Variants in CHIT1 observed in about 807,000 individuals in gnomAD.
CHIT1 encodes the protein chitotriosidase-1.
CHIT1 carries 47 observed loss-of-function variants against 52.0 expected under a neutral mutation model. The observed-to-expected ratio is 0.90, with a 90% CI of 0.71 to 1.15. CHIT1 has a LOEUF of 1.15. Ranked by LOEUF, CHIT1 falls within the 50% of genes most tolerant of loss-of-function variation. The pLI is 0.00. For synonymous variants in CHIT1, 242 were observed against 228.2 expected (o/e 1.06, Z -0.54); for missense variants, 569 against 583.0 (o/e 0.98, Z 0.25).
intron 10 of CHIT1, 88 bp downstream of exon 10, chr1:203,217,651 A>C: frequency 6.3e-7 from 1 of 1,599,122 alleles, no homozygotes. Context: ...CCTCAGAAGG[A>C]CCCGGGACCT....
chr1:203,229,627 A>G lies in CHIT1; in HGVS notation c.10T>C (p.Ser4Pro). The G allele has an allele frequency of 6.2e-7, 1 of 1,613,922 alleles. No homozygotes were observed. Among genetic ancestry groups the G allele is most frequent in the Non-Finnish European group, 8.5e-7 (1 of 1,179,966 alleles). ...GACGGCTCACCTGCCCAGGCCACAG[A>G]CCGCACCATGATGCAGCTCAGCGGC... MVR[S>P]VAWAGFMVLL... The change falls in exon 1 of 11, where the codon TCT (serine) becomes CCT (proline). Residue 4 changes from serine (S) to proline (P), a missense_variant. By Grantham distance (74) the Ser-to-Pro change is moderately conservative. Coordinates refer to ENST00000367229, the MANE Select transcript of CHIT1 (RefSeq NM_003465.3).
At position 203,219,712 on chromosome 1, in the gene CHIT1, G is replaced by A. The variant is rs1333583009; in HGVS notation, c.867C>T (p.Gly289=). The A allele has an allele frequency of 6.2e-7, 1 of 1,614,112 alleles. No homozygotes were observed. The highest frequency in any genetic ancestry group is 8.5e-7 in the Non-Finnish European group (1 of 1,180,004). The change falls in exon 8 of 11, where the codon GGC becomes GGT. Residue 289 remains glycine, a synonymous_variant. Transcript: ENST00000367229. ...CTTCCTTGGTGAAGGGGCCTGGAGTGCCAGACCCTGTGGCTGGGGCCCCCA... is the reference window on the plus strand; with the variant it reads ...CTTCCTTGGTGAAGGGGCCTGGAGTACCAGACCCTGTGGCTGGGGCCCCCA... ...TRVGAPATGS[G]TPGPFTKEGG...
chr1:203,217,106 G>T lies in CHIT1; in HGVS notation c.1184C>A (p.Pro395Gln). 6.2e-7 allele frequency: 1 copy of T among 1,609,412 alleles called. No individual in the cohort carries two copies. The highest frequency in any genetic ancestry group is 8.5e-7 in the Non-Finnish European group (1 of 1,180,012). ...LSLPYLPSGT[P>Q]ELEVPKPGQP... Reference sequence around the variant, plus strand: ...ACCTGGTTTTGGAACTTCAAGCTCTGGGGTGCCTGAAGGCAAGTATGGAAG... The same window carrying T: ...ACCTGGTTTTGGAACTTCAAGCTCTTGGGTGCCTGAAGGCAAGTATGGAAG... Residue 395 changes from proline to glutamine, a missense_variant, in exon 11 of 11, where the codon CCA becomes CAA. Physicochemically the swap from Pro to Gln is moderately conservative, Grantham distance 76. Transcript: ENST00000367229.
In CHIT1 at chr1:203,225,526, C is replaced by A. The variant is rs1233883236; in HGVS notation, c.257+143G>T. 1.1e-5 allele frequency: 9 copies of A among 815,130 alleles called. No individual in the cohort carries two copies. The East Asian group carries it at 2.1e-4, about 19-fold the overall frequency. The allele number at this position is 815,130 out of a possible 1,614,324, so 50.5% of individuals were successfully genotyped here. Reference sequence around the variant, plus strand: ...ACCTCTTTCATTAAGCACAGGAGAGCCCAGAGAGGTGATACAACTTGCCCA... The same window carrying A: ...ACCTCTTTCATTAAGCACAGGAGAGACCAGAGAGGTGATACAACTTGCCCA... On this transcript the variant is annotated intron_variant, in intron 3 of 10. Coordinates refer to ENST00000367229, the MANE Select transcript of CHIT1 (RefSeq NM_003465.3).
intron 9 of CHIT1, 78 bp downstream of exon 9, chr1:203,219,138 C>T (rs1378355426): frequency 1.4e-5 from 11 of 814,676 alleles, no homozygotes; most frequent in Non-Finnish European, 2.4e-5. Context: ...CCTTGAGGTC[C>T]TGAACTGTCC....
At position 203,222,282 on chromosome 1, in the gene CHIT1, A is replaced by G; in HGVS notation, c.649T>C (p.Ser217Pro). The change falls in exon 7 of 11, where the codon TCT becomes CCT. Residue 217 changes from serine to proline, a missense_variant. By Grantham distance (74) the Ser-to-Pro change is moderately conservative. Transcript: ENST00000367229. Reference sequence around the variant, plus strand: ...TTATGTCCCGTGACCTTCTCCCAAGAGCCATGGAAGTCGTAGGCCATAAGG... The same window carrying G: ...TTATGTCCCGTGACCTTCTCCCAAGGGCCATGGAAGTCGTAGGCCATAAGG... The part of the protein sequence containing the change: ...VNLMAYDFHG[S>P]WEKVTGHNSP... 2 of 1,614,076 alleles carry G rather than the reference A, an allele frequency of 1.2e-6. No individual in the cohort carries two copies. Among genetic ancestry groups the G allele is most frequent in the Admixed American group, 1.7e-5 (1 of 60,008 alleles).
Position 203,222,220 on chromosome 1 carries a change from T to C in CHIT1, c.711A>G (p.Ala237=). The change falls in exon 7 of 11, where the codon GCA becomes GCG. Residue 237 remains alanine, a synonymous_variant. Transcript: ENST00000367229. Reference sequence around the variant, plus strand: ...CACGTACCACGTTGAGGCTGGCTGCTGCACCACTCTCTTCTTGCCTCTTGT... The same window carrying C: ...CACGTACCACGTTGAGGCTGGCTGCCGCACCACTCTCTTCTTGCCTCTTGT... ...PLYKRQEESG[A]AASLNVDAAV... is the part of the protein sequence containing the mutation. 2 of 1,614,150 alleles carry C rather than the reference T, an allele frequency of 1.2e-6. No homozygotes were observed. Among genetic ancestry groups the C allele is most frequent in the Non-Finnish European group, 1.7e-6 (2 of 1,180,034 alleles).
chr1:203,223,996 A>C (rs985265377), intron 4 of CHIT1, among the ~76,000 whole-genome samples: 1 of 152,194 alleles, frequency 6.6e-6, no homozygotes, highest in African/African-American at 2.4e-5. Flanking sequence ...TGACACCCTC[A>C]GAATGGAGGT....
chr1:203,217,898 G>T (rs757044414), intron 9 of CHIT1, 33 bp from the exon 10 acceptor site: 1 of 1,593,628 alleles, frequency 6.3e-7, no homozygotes, highest in South Asian at 1.1e-5. Flanking sequence ...GGAGGAGCCC[G>T]GGGAAGCCTG....
At chr1:203,228,023 G>A (rs924460650) in intron 2 of CHIT1, among the ~76,000 whole-genome samples, 2 of 152,204 alleles carry the variant, frequency 1.3e-5, no homozygotes, top group African/African-American at 4.8e-5. Context: ...GACACAACAA[G>A]GAGCTCCCTC....
At position 203,223,553 on chromosome 1, in the gene CHIT1, T is replaced by C. The variant is rs183706407; in HGVS notation, c.422A>G (p.Tyr141Cys). 3.1e-6 allele frequency: 5 copies of C among 1,614,046 alleles called. No homozygotes were observed. The highest frequency in any genetic ancestry group is 1.3e-5 in the African/African-American group (1 of 74,926). Residue 141 changes from tyrosine to cysteine, a missense_variant, in exon 5 of 11, where the codon TAC (tyrosine) becomes TGC (cysteine). Physicochemically the swap from Tyr to Cys is radical, Grantham distance 194 (BLOSUM62 -2). Coordinates refer to ENST00000367229, the MANE Select transcript of CHIT1 (RefSeq NM_003465.3). ...SFDGLDLDWE[Y>C]PGSQGSPAVD... ...GGCAGGGCTCCCCTGGCTTCCTGGG[T>C]ACTCCCAGTCAAGGTCAAGGCCGTC...
In CHIT1 at chr1:203,216,925, C is replaced by CCTG. The variant is rs1656550469; in HGVS notation, c.1364_1365insCAG (p.Val455_Phe456insArg). 2 of 1,614,100 alleles carry CCTG rather than the reference C, an allele frequency of 1.2e-6. No homozygotes were observed. Among genetic ancestry groups the CCTG allele is most frequent in the African/African-American group, 2.7e-5 (2 of 74,940 alleles). ...TGCAGCATTTGCAGGAGTTGCTGAACACCAGGCCTGTCGGGCAGCTTTGCT... is the reference window on the plus strand; with the variant it reads ...TGCAGCATTTGCAGGAGTTGCTGAACCTGACCAGGCCTGTCGGGCAGCTTTGCT... On this transcript the variant is annotated inframe_insertion, in exon 11 of 11. Coordinates refer to ENST00000367229, the MANE Select transcript of CHIT1 (RefSeq NM_003465.3).
intron 7 of CHIT1, among the ~76,000 whole-genome samples, chr1:203,221,603 A>G (rs565094828): frequency 5.3e-4 from 80 of 152,350 alleles, no homozygotes; most frequent in African/African-American, 1.9e-3. Flanking sequence ...CCTTGGTGAC[A>G]GAACAAGATT....
At chr1:203,218,070 C>T (rs1656602171) in intron 9 of CHIT1, 6 of 1,517,724 alleles carry the variant, frequency 4.0e-6, no homozygotes, top group Non-Finnish European at 5.3e-6. Flanking sequence ...TTGCAGTCTC[C>T]TTGTCTTAAC....
intron 3 of CHIT1, 89 bp from the exon 4 acceptor site, chr1:203,225,193 G>A: frequency 8.1e-7 from 1 of 1,239,368 alleles, no homozygotes; most frequent in African/African-American, 1.5e-5. Context: ...GAACAACAGG[G>A]GTGGGGACGT....
chr1:203,221,671 C>A (rs954627770), intron 7 of CHIT1, among the ~76,000 whole-genome samples: 90 of 152,136 alleles, frequency 5.9e-4, no homozygotes, highest in African/African-American at 2.1e-3. Flanking sequence ...CTTGATTGCT[C>A]AATGAGGAAA....
At position 203,218,095 on chromosome 1, in the gene CHIT1, G is replaced by T. The variant is rs544680955; in HGVS notation, c.1030-230C>A. On this transcript the variant is annotated intron_variant, in intron 9 of 10. Transcript: ENST00000367229. Reference sequence around the variant, plus strand: ...CTTGTCTTAACGTAAGCATGACCTGGGGTGGGGTGGGTGCAGTCGGGAGGA... The same window carrying T: ...CTTGTCTTAACGTAAGCATGACCTGTGGTGGGGTGGGTGCAGTCGGGAGGA... 1.9e-4 allele frequency: 279 copies of T among 1,492,602 alleles called. 1 individual carries two copies. In the African/African-American group the frequency reaches 3.5e-3, roughly 19 times the overall value. The allele number at this position is 1,492,602 out of a possible 1,614,324, so 92.5% of individuals were successfully genotyped here.
In CHIT1 at chr1:203,216,702, T is replaced by C; in HGVS notation, c.*187A>G. 1 of 756,144 alleles carries C rather than the reference T, an allele frequency of 1.3e-6. No homozygotes were observed. The highest frequency in any genetic ancestry group is 2.3e-6 in the Non-Finnish European group (1 of 438,754). 46.8% of individuals were successfully genotyped at this position (756,144 alleles called of 1,614,324 possible). ...ACAAACCAAAGATTTATTTTGCAAGTGAAAGGGGCAGCCCAGGAGACCCAG... is the reference window on the plus strand; with the variant it reads ...ACAAACCAAAGATTTATTTTGCAAGCGAAAGGGGCAGCCCAGGAGACCCAG... On this transcript the variant is annotated 3_prime_UTR_variant, in exon 11 of 11. Coordinates refer to ENST00000367229, the MANE Select transcript of CHIT1 (RefSeq NM_003465.3).
chr1:203,219,998 C>T lies in CHIT1; in HGVS notation c.730-149G>A. 4.1e-6 allele frequency: 4 copies of T among 971,744 alleles called. No homozygotes were observed. The South Asian group carries it at 4.2e-5, about 10-fold the overall frequency. 60.2% of individuals were successfully genotyped at this position (971,744 alleles called of 1,614,324 possible). ...TGTTAGGATTCCAGCCCTACCCCATCTTCTTTAGAGCCTGCCTTAGACCCG... is the reference window on the plus strand; with the variant it reads ...TGTTAGGATTCCAGCCCTACCCCATTTTCTTTAGAGCCTGCCTTAGACCCG... On this transcript the variant is annotated intron_variant, in intron 7 of 10. Coordinates refer to ENST00000367229, the MANE Select transcript of CHIT1 (RefSeq NM_003465.3).
Sources: allele counts gnomAD v4.1 joint callset (sites outside exome capture counted in the v4.1 genomes callset), GRCh38; gene constraint gnomAD v4.1.1; transcripts MANE v1.5; gene names NCBI Gene and HGNC (gene_info 2026-07-23, HGNC 2026-07-21).